EME1: variants seen among roughly 807,000 people sequenced by gnomAD.
The protein encoded by EME1 is essential meiotic structure-specific endonuclease 1.
EME1 carries 61 observed loss-of-function variants against 59.1 expected under a neutral mutation model. That is an observed-to-expected ratio of 1.03 (90% CI 0.84 to 1.28). EME1 has a LOEUF of 1.28. EME1 is among the 50% of genes most tolerant of loss of function. The probability of loss-of-function intolerance (pLI) is 0.00; values close to 1 mark genes in which losing one functional copy is unlikely to be tolerated. For missense variants in EME1, 635 were observed against 682.6 expected (o/e 0.93, Z 0.78); for synonymous variants, 230 against 254.2 (o/e 0.90, Z 0.90).
chr17:50,373,797 C>T (rs942986377), intron 1 of EME1, among the ~76,000 whole-genome samples: 1 of 152,152 alleles, frequency 6.6e-6, no homozygotes, highest in African/African-American at 2.4e-5. Flanking sequence ...TGTCAGTGTT[C>T]ATAGCAGCAT....
chr17:50,377,445 A>G (rs989699062), intron 3 of EME1, among the ~76,000 whole-genome samples: 2 of 152,240 alleles, frequency 1.3e-5, no homozygotes, highest in Non-Finnish European at 2.9e-5. Context: ...AAAACTTTCT[A>G]TCAAAGTCCT....
chr17:50,381,106 G>GAC lies in EME1; in HGVS notation c.*167_*168insAC. On this transcript the variant is annotated 3_prime_UTR_variant, in exon 9 of 9. Coordinates refer to ENST00000338165, the MANE Select transcript of EME1 (RefSeq NM_152463.4). Reference sequence around the variant, plus strand: ...GTGAAGGTCTCTCTGCCTGTCGGCTGGGGCAGAGACTGAAATACTGCCACC... The same window carrying GAC: ...GTGAAGGTCTCTCTGCCTGTCGGCTGACGGGCAGAGACTGAAATACTGCCACC... 2.7e-6 allele frequency: 2 copies of GAC among 743,436 alleles called. No individual in the cohort carries two copies. The highest frequency in any genetic ancestry group is 4.2e-6 in the Non-Finnish European group (2 of 470,600). The allele number at this position is 743,436 out of a possible 1,614,324, so 46.1% of individuals were successfully genotyped here.
At position 50,380,392 on chromosome 17, in the gene EME1, G is replaced by A; in HGVS notation, c.1427G>A (p.Arg476Lys). 2.5e-6 allele frequency: 4 copies of A among 1,614,168 alleles called. No homozygotes were observed. Among genetic ancestry groups the A allele is most frequent in the Non-Finnish European group, 3.4e-6 (4 of 1,180,024 alleles). The change falls in exon 8 of 9, where the codon AGG (arginine) becomes AAG (lysine). Residue 476 changes from arginine to lysine, a missense_variant. Transcript: ENST00000338165. ...AGGVKVDLAGRGLALVWRRQI... is the reference protein window; with the variant it reads ...AGGVKVDLAGKGLALVWRRQI... ...GGGGTGAAGGTGGACCTTGCTGGCA[G>A]GGGACTCGCACTAGTCTGGAGGAGA... is the stretch of plus-strand genomic sequence containing the variant.
chr17:50,373,743 A>G (rs1397626109), intron 1 of EME1, among the ~76,000 whole-genome samples: 1 of 152,232 alleles, frequency 6.6e-6, no homozygotes, highest in African/African-American at 2.4e-5. Context: ...TCCTAGGTAT[A>G]TACACGAAAG....
chr17:50,380,675 C>T, intron 8 of EME1, 88 bp from the exon 9 acceptor site: 1 of 1,579,106 alleles, frequency 6.3e-7, no homozygotes, highest in Non-Finnish European at 8.6e-7. Flanking sequence ...GGTTCTCATG[C>T]CCCAAGCCAA....
rs1302495458 is a variant in EME1 at position 50,375,506 on chromosome 17, C to T, written c.298C>T (p.Leu100Phe). The T allele has an allele frequency of 6.2e-7, 1 of 1,613,794 alleles. No individual in the cohort carries two copies. Among genetic ancestry groups the T allele is most frequent in the Admixed American group, 1.7e-5 (1 of 59,966 alleles). Residue 100 changes from leucine to phenylalanine, a missense_variant, in exon 2 of 9, where the codon CTT becomes TTT. Coordinates refer to ENST00000338165, the MANE Select transcript of EME1 (RefSeq NM_152463.4). ...AGAATTTATTCCTCTGGCTCAAAGG[C>T]TTACATGTAAGTTTCTGACCCACAA... is the stretch of plus-strand genomic sequence containing the variant. ...EEEFIPLAQR[L>F]TCKFLTHKQL...
chr17:50,375,312 G>A lies in EME1; in HGVS notation c.104G>A (p.Arg35Lys), dbSNP rs1248788860. 6 of 1,614,096 alleles carry A rather than the reference G, an allele frequency of 3.7e-6. No individual in the cohort carries two copies. Among genetic ancestry groups the A allele is most frequent in the Non-Finnish European group, 5.1e-6 (6 of 1,180,048 alleles). Residue 35 changes from arginine to lysine, a missense_variant, in exon 2 of 9, where the codon AGG becomes AAG. Transcript: ENST00000338165. Reference protein sequence around the residue: ...FLKKEPSSTKRRQPEREEKIV... With the variant: ...FLKKEPSSTKKRQPEREEKIV... ...AAGAAGGAACCATCTTCAACAAAGA[G>A]GAGACAGCCTGAAAGGGAAGAGAAG...
Position 50,375,544 on chromosome 17 carries a change from T to A in EME1, c.336T>A (p.Pro112=). The A allele has an allele frequency of 6.2e-7, 1 of 1,614,180 alleles. No individual in the cohort carries two copies. The highest frequency in any genetic ancestry group is 2.2e-5 in the East Asian group (1 of 44,890). The change falls in exon 2 of 9, where the codon CCT becomes CCA. Residue 112 remains proline, a synonymous_variant. Coordinates refer to ENST00000338165, the MANE Select transcript of EME1 (RefSeq NM_152463.4). The part of the protein sequence containing the change: ...CKFLTHKQLS[P]EDSSSPVKSV... ...TTCTGACCCACAAGCAACTGAGCCC[T>A]GAGGACTCTAGCTCCCCAGTTAAAA...
In EME1 at chr17:50,376,115, C is replaced by T. The variant is rs142852644; in HGVS notation, c.825C>T (p.Thr275=). 1.1e-5 allele frequency: 18 copies of T among 1,613,990 alleles called. No individual in the cohort carries two copies. Among genetic ancestry groups the T allele is most frequent in the Non-Finnish European group, 1.4e-5 (17 of 1,180,024 alleles). The stretch of plus-strand genomic sequence containing the variant: ...GCCAGCTCCTAGGAGCACTGCAGAC[C>T]ATGGAGTGCCGCTGTGTGATTGAGG... ...GGGQLLGALQ[T]MECRCVIEAQ... is the part of the protein sequence containing the mutation. Residue 275 remains threonine, a synonymous_variant, in exon 3 of 9, where the codon ACC becomes ACT. Transcript: ENST00000338165.
chr17:50,376,938 CG>C (rs1462900527), intron 3 of EME1, among the ~76,000 whole-genome samples: 1 of 152,038 alleles, frequency 6.6e-6, no homozygotes, highest in Non-Finnish European at 1.5e-5. Flanking sequence ...TTGGTAGAGA[CG>C]GGGTTTTGCC....
rs1567818331 is a variant in EME1, at chr17:50,380,881, G to GT, written c.1656dup (p.Ile553TyrfsTer16). Reference sequence around the variant, plus strand: ...CGCATTGGACCAGAACTATCCAGGCGTATCTACCTTCAGATGACCACTTTA... The same window carrying GT: ...CGCATTGGACCAGAACTATCCAGGCGTTATCTACCTTCAGATGACCACTTTA... On this transcript the variant is annotated frameshift_variant, in exon 9 of 9. Transcript: ENST00000338165. LOFTEE classifies it high-confidence loss of function. The GT allele has an allele frequency of 4.3e-6, 7 of 1,614,170 alleles. No homozygotes were observed. The highest frequency in any genetic ancestry group is 1.1e-5 in the South Asian group (1 of 91,078).
rs1223290807 is a variant in EME1 at position 50,379,796 on chromosome 17, G to A, written c.1346+229G>A. 6.0e-6 allele frequency: 3 copies of A among 498,562 alleles called. No individual in the cohort carries two copies. The East Asian group carries it at 1.0e-4, about 17-fold the overall frequency. 30.9% of individuals were successfully genotyped at this position (498,562 alleles called of 1,614,324 possible). A position where few individuals can be genotyped will look rare whatever the true frequency, so the allele number is the denominator to read the frequency against. ...CTATATGTAAGTATGTGTTCTGCAG[G>A]CTGATATCATAGGCCAGGTTACCAT... On this transcript the variant is annotated intron_variant, in intron 7 of 8. Transcript: ENST00000338165.
intron 2 of EME1, 34 bp downstream of exon 2, chr17:50,376,017 A>G: frequency 6.2e-6 from 10 of 1,607,288 alleles, no homozygotes; most frequent in Non-Finnish European, 8.5e-6. Flanking sequence ...GTGCTGAGTT[A>G]TCTGCGTTCT....
chr17:50,375,787 T>C lies in EME1; in HGVS notation c.579T>C (p.Leu193=). 6.2e-7 allele frequency: 1 copy of C among 1,613,916 alleles called. No individual in the cohort carries two copies. Among genetic ancestry groups the C allele is most frequent in the South Asian group, 1.1e-5 (1 of 91,068 alleles). ...LAVTKTNSDI[L]PPQKKTKPSQ... The stretch of plus-strand genomic sequence containing the variant: ...TAACCAAAACAAATTCTGACATCCT[T>C]CCACCCCAGAAGAAAACCAAGCCGA... The change falls in exon 2 of 9, where the codon CTT becomes CTC. Residue 193 remains leucine (L), a synonymous_variant. Transcript: ENST00000338165.
chr17:50,379,742 T>C (rs1913691723), intron 7 of EME1, 175 bp downstream of exon 7: 3 of 596,844 alleles, frequency 5.0e-6, no homozygotes, highest in Non-Finnish European at 8.9e-6. Flanking sequence ...TCCTCAAGCC[T>C]AGCGCCTTTT....
chr17:50,374,678 C>T (rs1000212586), intron 1 of EME1, among the ~76,000 whole-genome samples: 11 of 152,132 alleles, frequency 7.2e-5, no homozygotes, highest in East Asian at 3.9e-4. Context: ...ATGATGAAAA[C>T]GCATCTCTAC....
rs530051828 is a variant in EME1, at chr17:50,378,004, C to T, written c.904-591C>T. Among the ~76,000 whole-genome samples the T allele has an allele frequency of 8.4e-4, 127 of 151,964 alleles. 2 individuals carry two copies. The highest frequency in any genetic ancestry group is 2.2e-3 in the African/African-American group (92 of 41,438). The stretch of plus-strand genomic sequence containing the variant: ...AACTCCTGACCTCAGGTGATCCGCC[C>T]GCCTAGGCCTCCCAAAGTGCTGGGA... On this transcript the variant is annotated intron_variant, in intron 3 of 8. Coordinates refer to ENST00000338165, the MANE Select transcript of EME1 (RefSeq NM_152463.4).
chr17:50,379,378 G>A, intron 6 of EME1, 74 bp from the exon 7 acceptor site: 4 of 1,589,366 alleles, frequency 2.5e-6, no homozygotes, highest in Non-Finnish European at 3.4e-6. Flanking sequence ...GCTGGGGTGT[G>A]GCTTTAGTGG....
chr17:50,373,290 G>A lies in EME1; in HGVS notation c.-25+13G>A, dbSNP rs1383250057. The A allele has an allele frequency of 2.1e-6, 3 of 1,410,794 alleles. No homozygotes were observed. The highest frequency in any genetic ancestry group is 1.9e-5 in the Admixed American group (1 of 51,380). 87.4% of individuals were successfully genotyped at this position (1,410,794 alleles called of 1,614,324 possible). A position where few individuals can be genotyped will look rare whatever the true frequency, so the allele number is the denominator to read the frequency against. On this transcript the variant is annotated intron_variant, in intron 1 of 8. Transcript: ENST00000338165. The stretch of plus-strand genomic sequence containing the variant: ...GGAGAAGTTGCAGGTGAGCGTCCCC[G>A]GTCGCAGGCCTGCGGATTGGGCAGG...
Sources: gnomAD v4.1 joint callset for allele counts (sites outside exome capture counted in the v4.1 genomes callset) on GRCh38, gnomAD v4.1.1 for gene constraint, MANE v1.5 for transcripts, NCBI Gene and HGNC (gene_info 2026-07-23, HGNC 2026-07-21) for gene names.